CSMD1: variants seen among roughly 807,000 people sequenced by gnomAD.
CSMD1 encodes the protein CUB and sushi domain-containing protein 1.
CSMD1 carries 213 observed loss-of-function variants against 417.5 expected under a neutral mutation model. The ratio of observed to expected loss-of-function variants is 0.51; its 90% CI spans 0.46 to 0.57. CSMD1 has a LOEUF of 0.57. Ranked by LOEUF, CSMD1 falls within the 20% of genes least tolerant of loss-of-function variation. CSMD1 has a pLI of 0.00. For synonymous variants in CSMD1, 2,862 were observed against 1,736.8 expected, an observed-to-expected ratio of 1.65 and a Z score of -16.11; for missense variants, 6,923 against 4,529.7, an observed-to-expected ratio of 1.53 and a Z score of -15.17.
intron 38 of CSMD1, 136 bp from the exon 39 acceptor site, chr8:3,158,102 T>C (rs1311541112): frequency 9.9e-6 from 7 of 708,828 alleles, no homozygotes; most frequent in Non-Finnish European, 1.2e-5. Context: ...TTGTGAAATC[T>C]GTTTTTAGTA....
At chr8:3,719,673 C>G (rs1196749729) in intron 6 of CSMD1, among the ~76,000 whole-genome samples, 2 of 152,082 alleles carry the variant, frequency 1.3e-5, no homozygotes, top group Non-Finnish European at 1.5e-5. Flanking sequence ...TGGGGAAGTC[C>G]AGGGGTGTCA....
chr8:3,232,195 C>T (rs530837342), intron 26 of CSMD1, among the ~76,000 whole-genome samples: 8 of 152,308 alleles, frequency 5.3e-5, no homozygotes, highest in African/African-American at 1.2e-4. Flanking sequence ...CATTCCCTTG[C>T]TTTTCTTCAC....
chr8:3,891,319 G>C (rs1806955661), intron 5 of CSMD1, among the ~76,000 whole-genome samples: 1 of 152,058 alleles, frequency 6.6e-6, no homozygotes, highest in African/African-American at 2.4e-5. Context: ...CAAAGTGCTG[G>C]GATTACAGGC....
chr8:4,889,953 C>A (rs905459193), intron 1 of CSMD1, among the ~76,000 whole-genome samples: 13 of 152,060 alleles, frequency 8.5e-5, no homozygotes, highest in Non-Finnish European at 1.9e-4. Flanking sequence ...GAATGTATGA[C>A]CTTTCAACTA....
intron 41 of CSMD1, among the ~76,000 whole-genome samples, chr8:3,142,089 G>A (rs561844919): frequency 6.6e-5 from 10 of 152,092 alleles, no homozygotes; most frequent in African/African-American, 2.2e-4. Context: ...GAGCCACCGC[G>A]CCCGGCCGCC....
intron 25 of CSMD1, among the ~76,000 whole-genome samples, chr8:3,286,113 C>G (rs934730083): frequency 7.9e-5 from 12 of 152,042 alleles, no homozygotes; most frequent in Admixed American, 5.2e-4. Flanking sequence ...TGCTGAGAAT[C>G]ATGGTTTCCA....
At chr8:4,945,680 G>A (rs1182687057) in intron 1 of CSMD1, among the ~76,000 whole-genome samples, 1 of 152,096 alleles carries the variant, frequency 6.6e-6, no homozygotes. Flanking sequence ...TTTTTCAAGA[G>A]AACTTGGCAT....
intron 30 of CSMD1, among the ~76,000 whole-genome samples, chr8:3,212,624 G>C (rs1438410718): frequency 6.6e-6 from 1 of 152,046 alleles, no homozygotes; most frequent in Non-Finnish European, 1.5e-5. Context: ...ATAGTGTTGG[G>C]ATTACAGGTG....
At chr8:3,574,485 G>A (rs1036744999) in intron 10 of CSMD1, among the ~76,000 whole-genome samples, 5 of 152,174 alleles carry the variant, frequency 3.3e-5, no homozygotes, top group African/African-American at 9.7e-5. Flanking sequence ...GACCTCAAGT[G>A]ATCCACCCAC....
chr8:2,954,207 T>G lies in CSMD1; in HGVS notation c.10039+17A>C, dbSNP rs539191027. 1 of 1,434,824 alleles carries G rather than the reference T, an allele frequency of 7.0e-7. No individual in the cohort carries two copies. Among genetic ancestry groups the G allele is most frequent in the South Asian group, 1.3e-5 (1 of 77,004 alleles). 88.9% of individuals were successfully genotyped at this position (1,434,824 alleles called of 1,614,324 possible). On this transcript the variant is annotated intron_variant, in intron 65 of 69. Coordinates refer to ENST00000635120, the MANE Select transcript of CSMD1 (RefSeq NM_033225.6). ...ACTTTATTGGATTGAAATCTAGAAC[T>G]GTTCTGGTATACAAACCTGGAGTTT...
chr8:3,889,494 A>ATAT (rs1554475387), intron 5 of CSMD1, among the ~76,000 whole-genome samples: 2,355 of 38,330 alleles, frequency 0.061, 313 homozygotes, highest in Non-Finnish European at 0.072. Context: ...TATATATATA[A>ATAT]AATATGCTCA....
At chr8:4,913,484 A>C (rs940380929) in intron 1 of CSMD1, among the ~76,000 whole-genome samples, 3 of 152,154 alleles carry the variant, frequency 2.0e-5, no homozygotes, top group Admixed American at 2.0e-4. Context: ...CATCAAATAG[A>C]GAATGAAAAC....
intron 7 of CSMD1, 103 bp downstream of exon 7, chr8:3,708,311 T>C (rs1375721312): frequency 3.5e-6 from 3 of 848,862 alleles, no homozygotes; most frequent in East Asian, 2.5e-5. Context: ...AAGGAAGAGA[T>C]AACGTGGGGA....
chr8:3,363,807 C>G (rs1353026283), intron 20 of CSMD1, among the ~76,000 whole-genome samples: 5 of 152,150 alleles, frequency 3.3e-5, no homozygotes, highest in Non-Finnish European at 7.3e-5. Context: ...AAGAAGTAGA[C>G]ACGTCGTAGC....
intron 6 of CSMD1, among the ~76,000 whole-genome samples, chr8:3,737,672 A>G (rs1465880001): frequency 6.6e-6 from 1 of 152,220 alleles, no homozygotes; most frequent in African/African-American, 2.4e-5. Flanking sequence ...CTGACCAGGA[A>G]AATCAATTAC....
chr8:3,280,002 C>T (rs184273858), intron 26 of CSMD1, among the ~76,000 whole-genome samples: 47 of 152,250 alleles, frequency 3.1e-4, no homozygotes, highest in Middle Eastern at 3.4e-3. Context: ...TACAGAGATC[C>T]GGAAAGAGAT....
intron 1 of CSMD1, among the ~76,000 whole-genome samples, chr8:4,913,134 G>A (rs1397884729): frequency 6.6e-6 from 1 of 152,268 alleles, no homozygotes; most frequent in South Asian, 2.1e-4. Context: ...ACAGATCAAA[G>A]CAGAGTCCAC....
At chr8:4,041,414 A>T (rs984325525) in intron 3 of CSMD1, among the ~76,000 whole-genome samples, 4 of 152,188 alleles carry the variant, frequency 2.6e-5, no homozygotes, top group African/African-American at 4.8e-5. Flanking sequence ...GCTTACTACT[A>T]CGAAAAAAGC....
intron 1 of CSMD1, among the ~76,000 whole-genome samples, chr8:4,672,550 C>T (rs2130951378): frequency 6.6e-6 from 1 of 152,248 alleles, no homozygotes; most frequent in Non-Finnish European, 1.5e-5. Context: ...ATGTAAACAA[C>T]CAATCACAGA....
Sources: allele counts gnomAD v4.1 joint callset (sites outside exome capture counted in the v4.1 genomes callset), GRCh38; gene constraint gnomAD v4.1.1; transcripts MANE v1.5; gene names NCBI Gene and HGNC (gene_info 2026-07-23, HGNC 2026-07-21).